The following CAMTA1 variants were observed in gnomAD, a reference collection of about 807,000 sequenced individuals.
CAMTA1 encodes the protein calmodulin binding transcription activator 1.
In CAMTA1, 27 loss-of-function variants were observed where a neutral mutation model predicts 170.9. The observed-to-expected ratio is 0.16, with a 90% CI of 0.12 to 0.22. CAMTA1 has a LOEUF of 0.22. CAMTA1 is among the 10% of genes least tolerant of loss of function. The pLI is 1.00. For missense variants in CAMTA1, 1,619 were observed against 2,217.2 expected (o/e 0.73, Z 5.42); for synonymous variants, 833 against 891.5 (o/e 0.93, Z 1.17).
At chr1:7,347,382 C>T (rs145772134) in intron 5 of CAMTA1, among the ~76,000 whole-genome samples, 15 of 152,298 alleles carry the variant, frequency 9.8e-5, no homozygotes, top group Non-Finnish European at 1.5e-4. Flanking sequence ...CCCAGCCAGT[C>T]GGGCCTCTGC....
At chr1:7,508,851 G>A (rs2094159755) in intron 6 of CAMTA1, among the ~76,000 whole-genome samples, 1 of 152,198 alleles carries the variant, frequency 6.6e-6, no homozygotes, top group African/African-American at 2.4e-5. Flanking sequence ...CAAAATTAAT[G>A]CATTCTAGCT....
At chr1:6,917,141 G>A (rs1431008766) in intron 3 of CAMTA1, among the ~76,000 whole-genome samples, 4 of 152,266 alleles carry the variant, frequency 2.6e-5, no homozygotes, top group South Asian at 2.1e-4. Context: ...CAGGGAGAGA[G>A]TGGCATGTTC....
At chr1:7,601,550 A>G (rs926779587) in intron 6 of CAMTA1, among the ~76,000 whole-genome samples, 53 of 152,212 alleles carry the variant, frequency 3.5e-4, no homozygotes, top group African/African-American at 1.2e-3. Context: ...GCGGCCGGGC[A>G]GAGGCTGCAA....
intron 1 of CAMTA1, among the ~76,000 whole-genome samples, chr1:6,809,596 C>T (rs1644936706): frequency 1.3e-5 from 2 of 151,998 alleles, no homozygotes; most frequent in Admixed American, 1.3e-4. Flanking sequence ...CAGACAGTAC[C>T]TTTGCAACCA....
chr1:6,962,353 T>TCCCCA (rs1387900295), intron 3 of CAMTA1, among the ~76,000 whole-genome samples: 1 of 81,926 alleles, frequency 1.2e-5, no homozygotes, highest in Non-Finnish European at 2.6e-5. Flanking sequence ...CGCCTGCCCC[T>TCCCCA]CCCCACCCCG....
chr1:7,493,006 CA>C (rs2093747570), intron 6 of CAMTA1, among the ~76,000 whole-genome samples: 1 of 149,844 alleles, frequency 6.7e-6, no homozygotes, highest in South Asian at 2.1e-4. Context: ...CACACAAACA[CA>C]AACCTACAAA....
intron 5 of CAMTA1, among the ~76,000 whole-genome samples, chr1:7,460,439 G>A (rs1482709621): frequency 1.3e-5 from 2 of 152,100 alleles, no homozygotes; most frequent in Non-Finnish European, 2.9e-5. Context: ...TCTCCTCTAC[G>A]AGACTGGGGG....
intron 6 of CAMTA1, among the ~76,000 whole-genome samples, chr1:7,557,918 G>A (rs1027997238): frequency 2.0e-5 from 3 of 152,214 alleles, no homozygotes; most frequent in African/African-American, 7.2e-5. Context: ...GTGGACAGCG[G>A]GGTGGGGGCA....
At chr1:7,431,501 A>T (rs2092150735) in intron 5 of CAMTA1, among the ~76,000 whole-genome samples, 1 of 152,130 alleles carries the variant, frequency 6.6e-6, no homozygotes, top group African/African-American at 2.4e-5. Flanking sequence ...GATCGCTGGG[A>T]AGAGCGTCCT....
intron 19 of CAMTA1, chr1:7,749,834 G>A: frequency 4.4e-6 from 2 of 456,036 alleles, no homozygotes; most frequent in South Asian, 1.6e-5. Flanking sequence ...TTCCACCAGA[G>A]TCACAAACTT....
intron 3 of CAMTA1, among the ~76,000 whole-genome samples, chr1:7,081,847 A>T (rs891851007): frequency 1.3e-5 from 2 of 152,232 alleles, no homozygotes. Context: ...ACATTGGCAG[A>T]TAAGCCAAAT....
At chr1:6,907,102 T>C (rs1678678927) in intron 3 of CAMTA1, among the ~76,000 whole-genome samples, 1 of 152,192 alleles carries the variant, frequency 6.6e-6, no homozygotes, top group Non-Finnish European at 1.5e-5. Context: ...TATATGTGAT[T>C]TGTCTGTTCT....
At chr1:7,147,733 T>A (rs1454767281) in intron 4 of CAMTA1, among the ~76,000 whole-genome samples, 21 of 85,960 alleles carry the variant, frequency 2.4e-4, no homozygotes, top group East Asian at 3.6e-4. Flanking sequence ...ACACACACAC[T>A]CATACACCAT....
At chr1:6,951,588 A>G (rs544792120) in intron 3 of CAMTA1, among the ~76,000 whole-genome samples, 1 of 152,224 alleles carries the variant, frequency 6.6e-6, no homozygotes. Flanking sequence ...GACCATTTCC[A>G]TAAAGCTCCA....
chr1:7,617,929 G>T (rs1391151124), intron 6 of CAMTA1, among the ~76,000 whole-genome samples: 1 of 152,142 alleles, frequency 6.6e-6, no homozygotes, highest in Non-Finnish European at 1.5e-5. Context: ...CTCAAAGCCT[G>T]CAGCCCAAGG....
chr1:7,133,597 A>G (rs915088784), intron 4 of CAMTA1, among the ~76,000 whole-genome samples: 3 of 152,126 alleles, frequency 2.0e-5, no homozygotes, highest in African/African-American at 4.8e-5. Context: ...CTTGTTTCAT[A>G]TAGTTTGTCC....
At chr1:7,486,168 G>A (rs1487888094) in intron 6 of CAMTA1, among the ~76,000 whole-genome samples, 1 of 152,186 alleles carries the variant, frequency 6.6e-6, no homozygotes, top group African/African-American at 2.4e-5. Context: ...TTTCGTAGGT[G>A]TTCAGATTTT....
Position 7,744,980 on chromosome 1 carries a change from A to G in CAMTA1, c.4328A>G (p.Tyr1443Cys), listed in dbSNP as rs1305328802. 1.2e-6 allele frequency: 2 copies of G among 1,614,066 alleles called. No homozygotes were observed. The highest frequency in any genetic ancestry group is 1.3e-5 in the African/African-American group (1 of 74,938). ...ISSTMSWLAS[Y>C]LADADCLPSA... is the part of the protein sequence containing the mutation. ...AGTACAATGAGCTGGCTGGCCAGTT[A>G]TCTAGCGGATGCTGACTGCCTTCCC... Residue 1443 changes from tyrosine to cysteine, a missense_variant, in exon 17 of 23, where the codon TAT (tyrosine) becomes TGT (cysteine). This residue lies in a region of CAMTA1 where 370 missense variants were observed against 429.4 expected (regional missense o/e 0.86). Transcript: ENST00000303635.
chr1:7,101,043 C>T (rs977241758), intron 4 of CAMTA1, among the ~76,000 whole-genome samples: 7 of 152,272 alleles, frequency 4.6e-5, no homozygotes, highest in Middle Eastern at 6.8e-3. Flanking sequence ...TGAATACTTC[C>T]GAGAATGGAA....
Sources: allele counts gnomAD v4.1 joint callset (sites outside exome capture counted in the v4.1 genomes callset), GRCh38; gene constraint gnomAD v4.1.1; regional missense constraint gnomAD v4.1.1; transcripts MANE v1.5; gene names NCBI Gene and HGNC (gene_info 2026-07-23, HGNC 2026-07-21).